The following SORCS3 variants were observed in gnomAD, a reference collection of about 807,000 sequenced individuals.
The protein encoded by SORCS3 is VPS10 domain-containing receptor SorCS3.
SORCS3 carries 57 observed loss-of-function variants against 146.3 expected under a neutral mutation model. That is an observed-to-expected ratio of 0.39 (90% CI 0.31 to 0.49). SORCS3 has a LOEUF of 0.49. Ranked by LOEUF, SORCS3 falls within the 20% of genes least tolerant of loss-of-function variation. SORCS3 has a pLI of 0.92. For missense variants in SORCS3, 1,341 were observed against 1,575.5 expected (o/e 0.85, Z 2.52); for synonymous variants, 653 against 618.5 (o/e 1.06, Z -0.83).
At chr10:105,225,848 G>A (rs1348471857) in intron 20 of SORCS3, among the ~76,000 whole-genome samples, 1 of 151,860 alleles carries the variant, frequency 6.6e-6, no homozygotes, top group African/African-American at 2.4e-5. Flanking sequence ...AAAGTACATG[G>A]TATTGGGTAT....
intron 2 of SORCS3, among the ~76,000 whole-genome samples, chr10:104,844,043 T>C (rs1474290890): frequency 2.0e-5 from 3 of 152,144 alleles, no homozygotes; most frequent in Admixed American, 6.5e-5. Flanking sequence ...AGGCAGCTTC[T>C]CTCCAGGAAA....
chr10:105,040,319 A>G (rs558484278), intron 4 of SORCS3, among the ~76,000 whole-genome samples: 1 of 152,278 alleles, frequency 6.6e-6, no homozygotes, highest in African/African-American at 2.4e-5. Flanking sequence ...AGAAGGAGAG[A>G]CAGGCAGATG....
At chr10:105,107,491 G>A (rs528729046) in intron 7 of SORCS3, among the ~76,000 whole-genome samples, 8 of 151,984 alleles carry the variant, frequency 5.3e-5, no homozygotes, top group Non-Finnish European at 8.8e-5. Flanking sequence ...CTGTAACTCC[G>A]CAGACAGATA....
At chr10:104,683,968 G>C (rs1003287737) in intron 1 of SORCS3, among the ~76,000 whole-genome samples, 1 of 152,150 alleles carries the variant, frequency 6.6e-6, no homozygotes, top group Non-Finnish European at 1.5e-5. Context: ...TCTCTAATAG[G>C]GGTCTATAGA....
intron 3 of SORCS3, among the ~76,000 whole-genome samples, chr10:104,960,138 C>G (rs939164282): frequency 6.6e-6 from 1 of 152,098 alleles, no homozygotes; most frequent in Non-Finnish European, 1.5e-5. Flanking sequence ...ATGCAATGTT[C>G]CCAGATATAC....
At chr10:104,974,373 G>T (rs1051772402) in intron 3 of SORCS3, among the ~76,000 whole-genome samples, 1 of 152,116 alleles carries the variant, frequency 6.6e-6, no homozygotes, top group Non-Finnish European at 1.5e-5. Flanking sequence ...ATGAACCTGG[G>T]TGCTCCTGTA....
intron 2 of SORCS3, among the ~76,000 whole-genome samples, chr10:104,873,355 A>G (rs1290605975): frequency 6.6e-6 from 1 of 152,130 alleles, no homozygotes; most frequent in East Asian, 1.9e-4. Flanking sequence ...GACAGCTTCC[A>G]CTTAGACCAA....
chr10:105,242,815 A>ATTTTTATATATAAATTATATATATT (rs2056841819), intron 20 of SORCS3, among the ~76,000 whole-genome samples: 3 of 63,174 alleles, frequency 4.7e-5, no homozygotes, highest in African/African-American at 1.8e-4. Context: ...ATTTATATAT[A>ATTTTTATATATAAATTATATATATT]TTTTTATATA....
intron 1 of SORCS3, among the ~76,000 whole-genome samples, chr10:104,729,631 A>G (rs1191557443): frequency 2.0e-5 from 3 of 152,218 alleles, no homozygotes; most frequent in African/African-American, 7.2e-5. Flanking sequence ...AAGTAAAACA[A>G]CTGCACAAAT....
intron 11 of SORCS3, among the ~76,000 whole-genome samples, chr10:105,163,428 T>A (rs1212164833): frequency 6.6e-6 from 1 of 152,172 alleles, no homozygotes; most frequent in African/African-American, 2.4e-5. Flanking sequence ...CAAGTGCACA[T>A]CAACATTGGA....
intron 1 of SORCS3, among the ~76,000 whole-genome samples, chr10:104,720,339 G>A (rs1019630295): frequency 6.6e-6 from 1 of 152,164 alleles, no homozygotes; most frequent in African/African-American, 2.4e-5. Flanking sequence ...GTATTCCATG[G>A]TGTATATGTG....
intron 2 of SORCS3, among the ~76,000 whole-genome samples, chr10:104,909,972 G>T (rs1354192880): frequency 1.3e-5 from 2 of 152,088 alleles, no homozygotes; most frequent in Non-Finnish European, 2.9e-5. Context: ...GTGTATGGCA[G>T]GTCAGACTGG....
chr10:105,216,131 T>A (rs1225496629), intron 18 of SORCS3, among the ~76,000 whole-genome samples: 1 of 152,056 alleles, frequency 6.6e-6, no homozygotes, highest in Admixed American at 6.5e-5. Context: ...GAGACAGAGA[T>A]ATCTGTGAAC....
At chr10:105,157,010 A>G in intron 9 of SORCS3, 128 bp from the exon 10 acceptor site, 1 of 1,076,420 alleles carries the variant, frequency 9.3e-7, no homozygotes. Context: ...GTTTCCTATC[A>G]TGTTCCTTCT....
intron 2 of SORCS3, among the ~76,000 whole-genome samples, chr10:104,915,014 T>G: frequency 6.6e-6 from 1 of 150,616 alleles, no homozygotes. Context: ...GGGCCAGGGT[T>G]TGGGGACAGG....
chr10:105,190,379 A>G (rs1216969925), intron 14 of SORCS3, among the ~76,000 whole-genome samples: 1 of 152,170 alleles, frequency 6.6e-6, no homozygotes, highest in Non-Finnish European at 1.5e-5. Context: ...AGTGTTCAAT[A>G]ATTTTTCACT....
intron 9 of SORCS3, 46 bp downstream of exon 9, chr10:105,147,842 C>T: frequency 2.6e-6 from 4 of 1,538,368 alleles, no homozygotes; most frequent in Non-Finnish European, 3.6e-6. Flanking sequence ...CTCTCTTTTT[C>T]CTGAGTTTTA....
intron 1 of SORCS3, among the ~76,000 whole-genome samples, chr10:104,785,339 A>G (rs2133495797): frequency 7.0e-6 from 1 of 143,448 alleles, no homozygotes; most frequent in East Asian, 2.0e-4. Flanking sequence ...AAATGGATTA[A>G]GGGCGGTGCA....
At chr10:104,918,475 TA>T (rs1208351665) in intron 3 of SORCS3, among the ~76,000 whole-genome samples, 1 of 152,196 alleles carries the variant, frequency 6.6e-6, no homozygotes, top group East Asian at 1.9e-4. Context: ...GATCTTGAAT[TA>T]AAGCTTGGTG....
Sources: allele counts gnomAD v4.1 joint callset (sites outside exome capture counted in the v4.1 genomes callset), GRCh38; gene constraint gnomAD v4.1.1; transcripts MANE v1.5; gene names NCBI Gene and HGNC (gene_info 2026-07-23, HGNC 2026-07-21).